The following TSPAN9 variants were observed in gnomAD, a reference collection of about 807,000 sequenced individuals.
TSPAN9 encodes the protein tetraspanin-9.
In TSPAN9, 16 loss-of-function variants were observed where a neutral mutation model predicts 31.0. The ratio of observed to expected loss-of-function variants is 0.52; its 90% CI spans 0.35 to 0.78. The LOEUF is 0.78. Ranked by LOEUF, TSPAN9 falls within the 30% of genes least tolerant of loss-of-function variation. The pLI is 0.01. For synonymous variants in TSPAN9, 145 were observed against 121.6 expected (o/e 1.19, Z -1.27); for missense variants, 272 against 312.5 (o/e 0.87, Z 0.98).
chr12:3,116,347 A>C (rs956145881), intron 2 of TSPAN9, among the ~76,000 whole-genome samples: 18 of 152,154 alleles, frequency 1.2e-4, no homozygotes, highest in Admixed American at 3.9e-4. Context: ...CAGTTTTCTC[A>C]TTGGTAAAAG....
chr12:3,251,786 G>A (rs1183665331), intron 3 of TSPAN9, among the ~76,000 whole-genome samples: 3 of 152,310 alleles, frequency 2.0e-5, no homozygotes, highest in African/African-American at 4.8e-5. Flanking sequence ...TGTCGGCACC[G>A]GCTTGAGCTC....
chr12:3,255,413 G>A (rs964528632), intron 3 of TSPAN9, among the ~76,000 whole-genome samples: 11 of 152,296 alleles, frequency 7.2e-5, no homozygotes, highest in African/African-American at 2.4e-4. Context: ...AGCGATCAGG[G>A]CAACTGAAAA....
At chr12:3,177,916 G>C (rs1271268675) in intron 2 of TSPAN9, among the ~76,000 whole-genome samples, 1 of 152,210 alleles carries the variant, frequency 6.6e-6, no homozygotes, top group East Asian at 1.9e-4. Context: ...GTCCGCCAGG[G>C]TGTGAGGTCC....
chr12:3,263,919 T>C (rs1181196899), intron 3 of TSPAN9, among the ~76,000 whole-genome samples: 1 of 152,104 alleles, frequency 6.6e-6, no homozygotes, highest in Non-Finnish European at 1.5e-5. Flanking sequence ...GGACATGCCG[T>C]GAGCGGGTCT....
intron 3 of TSPAN9, among the ~76,000 whole-genome samples, chr12:3,272,400 C>T (rs1053326528): frequency 6.6e-6 from 1 of 152,144 alleles, no homozygotes; most frequent in Admixed American, 6.5e-5. Flanking sequence ...ATTCATTCCT[C>T]CAGCAAATAT....
At position 3,283,367 on chromosome 12, in the gene TSPAN9, C is replaced by T. The variant is rs1042771339; in HGVS notation, c.*251C>T. 1.3e-5 allele frequency: 6 copies of T among 462,248 alleles called. No homozygotes were observed. Among genetic ancestry groups the T allele is most frequent in the Middle Eastern group, 5.7e-4 (1 of 1,766 alleles). The allele number at this position is 462,248 out of a possible 1,614,324, so 28.6% of individuals were successfully genotyped here. ...TCTGCATATGCGTATTTGCCAAAGA[C>T]GACAGGGTGGGCTGGGGTGCGCTCC... On this transcript the variant is annotated 3_prime_UTR_variant, in exon 9 of 9. Coordinates refer to ENST00000011898, the MANE Select transcript of TSPAN9 (RefSeq NM_006675.5).
intron 3 of TSPAN9, among the ~76,000 whole-genome samples, chr12:3,214,722 G>A (rs952995593): frequency 3.3e-5 from 5 of 151,054 alleles, no homozygotes; most frequent in Admixed American, 2.6e-4. Flanking sequence ...ATGAGGGGGC[G>A]GGCTGCCGTA....
In TSPAN9 at chr12:3,283,061, T is replaced by G. The variant is rs1862929207; in HGVS notation, c.665T>G (p.Phe222Cys). ...ILIMQILGMA[F>C]SMTLFQHIHR... ...GTCTTTCAGATCCTGGGCATGGCCT[T>G]CTCCATGACCCTCTTCCAGCACATC... Residue 222 changes from phenylalanine to cysteine, a missense_variant, in exon 9 of 9, where the codon TTC becomes TGC. By Grantham distance (205) the Phe-to-Cys change is radical. Coordinates refer to ENST00000011898, the MANE Select transcript of TSPAN9 (RefSeq NM_006675.5). 13 of 1,609,038 alleles carry G rather than the reference T, an allele frequency of 8.1e-6. No homozygotes were observed. Among genetic ancestry groups the G allele is most frequent in the African/African-American group, 1.3e-5 (1 of 74,918 alleles).
rs1014617759 is a variant in TSPAN9 at position 3,260,201 on chromosome 12, C to T, written c.64-18220C>T. ...CCTCAGGGCATTTTACCATCCTGTG[C>T]GGTGCTGGACATAGTTTTTGGCATA... On this transcript the variant is annotated intron_variant, in intron 3 of 8. Coordinates refer to ENST00000011898, the MANE Select transcript of TSPAN9 (RefSeq NM_006675.5). Among the ~76,000 whole-genome samples, 11 of 152,342 alleles carry T rather than the reference C, an allele frequency of 7.2e-5. No homozygotes were observed. The East Asian group carries it at 1.3e-3, about 19-fold the overall frequency.
chr12:3,140,445 G>A (rs2098334265), intron 2 of TSPAN9, among the ~76,000 whole-genome samples: 1 of 151,882 alleles, frequency 6.6e-6, no homozygotes, highest in Non-Finnish European at 1.5e-5. Context: ...GCCCGGGATG[G>A]ACGGGAAATA....
At chr12:3,092,011 T>C (rs958962639) in intron 2 of TSPAN9, among the ~76,000 whole-genome samples, 1 of 152,234 alleles carries the variant, frequency 6.6e-6, no homozygotes, top group African/African-American at 2.4e-5. Flanking sequence ...GTGCTCAGTG[T>C]TGACAAAAAC....
intron 2 of TSPAN9, among the ~76,000 whole-genome samples, chr12:3,136,795 G>A (rs545574965): frequency 3.3e-5 from 5 of 152,240 alleles, no homozygotes; most frequent in South Asian, 4.1e-4. Flanking sequence ...GGTGGTGACC[G>A]CAGCCATCCG....
At position 3,281,829 on chromosome 12, in the gene TSPAN9, G is replaced by A. The variant is rs371227563; in HGVS notation, c.648+12G>A. On this transcript the variant is annotated intron_variant, in intron 8 of 8. Coordinates refer to ENST00000011898, the MANE Select transcript of TSPAN9 (RefSeq NM_006675.5). The stretch of plus-strand genomic sequence containing the variant: ...TCCTCATCATGCAGGTAAGAGGGGC[G>A]TCCCCAGCAGCCTCACCCACCCTGC... The A allele has an allele frequency of 1.0e-4, 167 of 1,613,524 alleles. No homozygotes were observed. The African/African-American group carries it at 1.2e-3, about 12-fold the overall frequency.
intron 2 of TSPAN9, among the ~76,000 whole-genome samples, chr12:3,104,168 A>G (rs1279458933): frequency 6.6e-6 from 1 of 151,988 alleles, no homozygotes; most frequent in African/African-American, 2.4e-5. Flanking sequence ...GGGGAAGGTC[A>G]TGGGATTTGG....
At chr12:3,127,353 A>C (rs906306630) in intron 2 of TSPAN9, among the ~76,000 whole-genome samples, 19 of 151,830 alleles carry the variant, frequency 1.3e-4, no homozygotes, top group African/African-American at 3.9e-4. Flanking sequence ...CTTAACTTTA[A>C]AGAAAAATTT....
At chr12:3,279,349 G>C (rs1302587281) in intron 5 of TSPAN9, among the ~76,000 whole-genome samples, 1 of 152,256 alleles carries the variant, frequency 6.6e-6, no homozygotes, top group African/African-American at 2.4e-5. Context: ...GCAGTGGGCT[G>C]CCTCTGGCGC....
chr12:3,089,455 C>T (rs1366518568), intron 2 of TSPAN9, among the ~76,000 whole-genome samples: 2 of 151,404 alleles, frequency 1.3e-5, no homozygotes, highest in East Asian at 2.0e-4. Context: ...TGCCACCACG[C>T]CTGGCTAATT....
chr12:3,184,807 C>T (rs530995796), intron 2 of TSPAN9, among the ~76,000 whole-genome samples: 54 of 152,292 alleles, frequency 3.5e-4, no homozygotes, highest in African/African-American at 9.1e-4. Flanking sequence ...AGCCAGCTCT[C>T]GGAGGCTTGG....
intron 2 of TSPAN9, among the ~76,000 whole-genome samples, chr12:3,102,598 C>T (rs1251779465): frequency 9.9e-5 from 15 of 151,894 alleles, no homozygotes; most frequent in East Asian, 3.9e-4. Flanking sequence ...CCACCACGCC[C>T]GGCTAATTTT....
Sources: gnomAD v4.1 joint callset for allele counts (sites outside exome capture counted in the v4.1 genomes callset) on GRCh38, gnomAD v4.1.1 for gene constraint, MANE v1.5 for transcripts, NCBI Gene and HGNC (gene_info 2026-07-23, HGNC 2026-07-21) for gene names.